The following NFASC variants were observed in gnomAD, a reference collection of about 807,000 sequenced individuals.
The protein encoded by NFASC is neurofascin homolog.
In NFASC, 43 loss-of-function variants were observed where a neutral mutation model predicts 147.5. The observed-to-expected ratio is 0.29, with a 90% CI of 0.23 to 0.38. The LOEUF is 0.38. Among genes scored for constraint, NFASC ranks in the 10% least tolerant of loss-of-function variants. The pLI is 1.00. For synonymous variants in NFASC, 622 were observed against 665.5 expected, an observed-to-expected ratio of 0.93 and a Z score of 1.01; for missense variants, 1,320 against 1,689.0, an observed-to-expected ratio of 0.78 and a Z score of 3.83.
At chr1:205,006,942 G>A (rs2096125580) in intron 27 of NFASC, among the ~76,000 whole-genome samples, 1 of 141,834 alleles carries the variant, frequency 7.1e-6, no homozygotes, top group Non-Finnish European at 1.6e-5. Flanking sequence ...AGGGTCACTG[G>A]TGCTGATGAG....
At chr1:204,952,804 G>A (rs1334262721) in intron 5 of NFASC, among the ~76,000 whole-genome samples, 2 of 152,176 alleles carry the variant, frequency 1.3e-5, no homozygotes, top group Non-Finnish European at 2.9e-5. Flanking sequence ...CCTTTCAGGA[G>A]CCTCATGCAA....
Position 205,020,982 on chromosome 1 carries a change from G to A in NFASC, c.*4443G>A, listed in dbSNP as rs148173285. 2.0e-5 allele frequency: 3 copies of A among 152,432 alleles called. No homozygotes were observed. The highest frequency in any genetic ancestry group is 4.8e-5 in the African/African-American group (2 of 41,570). 9.4% of individuals were successfully genotyped at this position (152,432 alleles called of 1,614,324 possible). A position where few individuals can be genotyped will look rare whatever the true frequency, so the allele number is the denominator to read the frequency against. ...AAAGGATCCTGCTTGAGCTCTGCGT[G>A]GTGGCCAAGGAGTAGCATGGAGGAG... On this transcript the variant is annotated 3_prime_UTR_variant, in exon 30 of 30. Coordinates refer to ENST00000339876, the MANE Select transcript of NFASC (RefSeq NM_001005388.3).
Position 204,979,637 on chromosome 1 carries a change from C to A in NFASC, c.2176+78C>A. On this transcript the variant is annotated intron_variant, in intron 19 of 29. Transcript: ENST00000339876. The surrounding 1 kb of genome is among the most constrained non-coding windows in gnomAD (Gnocchi z 6.0). The stretch of plus-strand genomic sequence containing the variant: ...CACACTGAGATCCCCCCATTCCCAG[C>A]CATGTGAACTTAGGTTACTTAACTT... 1 of 1,368,046 alleles carries A rather than the reference C, an allele frequency of 7.3e-7. No homozygotes were observed. The highest frequency in any genetic ancestry group is 1.0e-6 in the Non-Finnish European group (1 of 959,158). The allele number at this position is 1,368,046 out of a possible 1,614,324, so 84.7% of individuals were successfully genotyped here. A position where few individuals can be genotyped will look rare whatever the true frequency, so the allele number is the denominator to read the frequency against.
intron 29 of NFASC, among the ~76,000 whole-genome samples, chr1:205,014,038 TGA>T: frequency 6.6e-6 from 1 of 152,328 alleles, no homozygotes; most frequent in East Asian, 1.9e-4. Context: ...CCCTGTGGGC[TGA>T]GACTTCCCTG....
intron 8 of NFASC, among the ~76,000 whole-genome samples, chr1:204,966,529 G>A (rs2094959566): frequency 6.6e-6 from 1 of 152,180 alleles, no homozygotes; most frequent in Non-Finnish European, 1.5e-5. Context: ...GTGATGGTGG[G>A]TGGGAGGAAG....
At chr1:204,837,353 C>A (rs146308419) in intron 1 of NFASC, among the ~76,000 whole-genome samples, 38 of 152,264 alleles carry the variant, frequency 2.5e-4, no homozygotes, top group Admixed American at 1.5e-3. Flanking sequence ...ACTCAAAGGG[C>A]TAGAAGAGGG....
At chr1:204,993,087 C>G (rs981791305) in intron 24 of NFASC, among the ~76,000 whole-genome samples, 13 of 152,198 alleles carry the variant, frequency 8.5e-5, no homozygotes, top group African/African-American at 2.9e-4. Flanking sequence ...AGGTGCCAAG[C>G]AACGAAACTC....
At chr1:204,937,815 AACATATATTT>A (rs1300547660) in intron 2 of NFASC, among the ~76,000 whole-genome samples, 1 of 152,144 alleles carries the variant, frequency 6.6e-6, no homozygotes, top group Non-Finnish European at 1.5e-5. Flanking sequence ...TTTTTGGTTC[AACATATATTT>A]ACTGTCCTCC....
intron 1 of NFASC, among the ~76,000 whole-genome samples, chr1:204,868,764 C>G (rs2077328352): frequency 1.3e-5 from 2 of 152,208 alleles, no homozygotes; most frequent in South Asian, 4.1e-4. Flanking sequence ...CAGCTACCCT[C>G]TGGGTCTGCC....
chr1:204,980,515 C>G, intron 20 of NFASC, 75 bp downstream of exon 20: 1 of 1,102,040 alleles, frequency 9.1e-7, no homozygotes, highest in Admixed American at 2.0e-5. Context: ...CCTTGATGCC[C>G]CGACACTACG....
At chr1:204,906,311 A>G (rs1023566135) in intron 1 of NFASC, among the ~76,000 whole-genome samples, 1 of 152,184 alleles carries the variant, frequency 6.6e-6, no homozygotes, top group African/African-American at 2.4e-5. Flanking sequence ...CATAAGCAAG[A>G]TACAGAACAT....
intron 2 of NFASC, among the ~76,000 whole-genome samples, chr1:204,928,937 A>G (rs2092049434): frequency 6.6e-6 from 1 of 152,140 alleles, no homozygotes; most frequent in South Asian, 2.1e-4. Flanking sequence ...TTAGATCTTC[A>G]TGGTGGTCAC....
At position 205,018,733 on chromosome 1, in the gene NFASC, C is replaced by T. The variant is rs1574583833; in HGVS notation, c.*2194C>T. 2 of 152,614 alleles carry T rather than the reference C, an allele frequency of 1.3e-5. No individual in the cohort carries two copies. Among genetic ancestry groups the T allele is most frequent in the Non-Finnish European group, 2.9e-5 (2 of 68,084 alleles). The allele number at this position is 152,614 out of a possible 1,614,324, so 9.5% of individuals were successfully genotyped here. On this transcript the variant is annotated 3_prime_UTR_variant, in exon 30 of 30. Transcript: ENST00000339876. Reference sequence around the variant, plus strand: ...TTAAAGGACTGGCCTTTCCAGAAAACGCTTTGGATCTGAGCAGAGTAGTCA... The same window carrying T: ...TTAAAGGACTGGCCTTTCCAGAAAATGCTTTGGATCTGAGCAGAGTAGTCA...
At chr1:204,962,588 C>T (rs556913113) in intron 8 of NFASC, among the ~76,000 whole-genome samples, 1 of 152,328 alleles carries the variant, frequency 6.6e-6, no homozygotes, top group South Asian at 2.1e-4. Context: ...TTAGTATGTT[C>T]AGTTAACTCT....
chr1:204,884,515 C>T (rs932659398), intron 1 of NFASC, among the ~76,000 whole-genome samples: 2 of 152,088 alleles, frequency 1.3e-5, no homozygotes, highest in Non-Finnish European at 2.9e-5. Flanking sequence ...GTTCTAACTT[C>T]TTAACTTGGC....
intron 2 of NFASC, among the ~76,000 whole-genome samples, chr1:204,936,497 C>T (rs116830330): frequency 6.6e-5 from 10 of 152,292 alleles, no homozygotes; most frequent in African/African-American, 2.4e-4. Context: ...CCACCATGTC[C>T]AGCACTAACA....
intron 2 of NFASC, among the ~76,000 whole-genome samples, chr1:204,927,768 T>A (rs2091873997): frequency 6.6e-6 from 1 of 152,126 alleles, no homozygotes; most frequent in African/African-American, 2.4e-5. Flanking sequence ...AGCTGCTGCC[T>A]GACACCTTGA....
At chr1:204,977,866 T>C in intron 17 of NFASC, 141 bp downstream of exon 17, 1 of 650,792 alleles carries the variant, frequency 1.5e-6, no homozygotes, top group Non-Finnish European at 2.6e-6. Context: ...TGGGACCTCC[T>C]TTGAGTTGCC....
intron 8 of NFASC, 110 bp downstream of exon 8, chr1:204,957,936 C>A: frequency 1.0e-6 from 1 of 967,554 alleles, no homozygotes. Context: ...TTGAGGCTGA[C>A]CTAGAAATCC....
Sources: gnomAD v4.1 joint callset for allele counts (sites outside exome capture counted in the v4.1 genomes callset) on GRCh38, gnomAD v4.1.1 for gene constraint, Gnocchi (gnomAD v3.1) non-coding constraint, MANE v1.5 for transcripts, NCBI Gene and HGNC (gene_info 2026-07-23, HGNC 2026-07-21) for gene names.